SUPT3H: variants seen among roughly 807,000 people sequenced by gnomAD.
SUPT3H encodes transcription initiation protein SPT3 homolog.
SUPT3H carries 44 observed loss-of-function variants against 44.3 expected under a neutral mutation model. The ratio of observed to expected loss-of-function variants is 0.99; its 90% confidence interval spans 0.78 to 1.28. The LOEUF (loss-of-function observed/expected upper bound fraction) is 1.28, where lower values mean the gene tolerates loss of function less well. Among genes scored for constraint, SUPT3H ranks in the 50% most tolerant of loss-of-function variants. The pLI, the probability that SUPT3H is intolerant of heterozygous loss-of-function variation, is 0.00. For missense variants in SUPT3H, 380 were observed against 387.1 expected (o/e 0.98, Z 0.15); for synonymous variants, 124 against 125.6 (o/e 0.99, Z 0.09).
chr6:45,051,043 C>T (rs1372033064), intron 3 of SUPT3H, among the ~76,000 whole-genome samples: 1 of 151,934 alleles, frequency 6.6e-6, no homozygotes, highest in Non-Finnish European at 1.5e-5. Context: ...TGCCGCCATG[C>T]CCAGCTAATT....
At position 44,909,124 on chromosome 6, in the gene SUPT3H, GGT is replaced by G. The variant is rs747035626; in HGVS notation, c.912+23527_912+23528del. 4.3e-3 allele frequency among the ~76,000 whole-genome samples: 501 copies of G among 117,068 alleles called. 2 individuals are homozygous for G. The highest frequency in any genetic ancestry group is 4.4e-3 in the Non-Finnish European group (251 of 56,748). The allele number at this position is 117,068 out of a possible 152,430, so 76.8% of individuals were successfully genotyped here. ...TCTTTCTGCTGCTCTATACCTAAGA[GGT>G]GTGTGTGTGTGTGTGCGTGTGTGTG... On this transcript the variant is annotated intron_variant, in intron 10 of 10. Coordinates refer to ENST00000371459, the MANE Select transcript of SUPT3H (RefSeq NM_003599.4).
At chr6:44,926,424 C>G (rs1769530156) in intron 10 of SUPT3H, among the ~76,000 whole-genome samples, 1 of 152,060 alleles carries the variant, frequency 6.6e-6, no homozygotes, top group South Asian at 2.1e-4. Context: ...ATACCTGCAA[C>G]AAACCTGACA....
At chr6:44,975,122 G>T (rs1338803066) in intron 6 of SUPT3H, among the ~76,000 whole-genome samples, 1 of 152,036 alleles carries the variant, frequency 6.6e-6, no homozygotes. Context: ...AGTGAGCAGA[G>T]ATCGGGCCAC....
chr6:44,838,585 G>A (rs1770360565), intron 10 of SUPT3H, among the ~76,000 whole-genome samples: 1 of 152,236 alleles, frequency 6.6e-6, no homozygotes, highest in African/African-American at 2.4e-5. Context: ...GTTTCCAAAT[G>A]CCAATCTATA....
In SUPT3H at chr6:45,334,889, G is replaced by C. The variant is rs559805895; in HGVS notation, c.101+30312C>G. 6.6e-5 allele frequency among the ~76,000 whole-genome samples: 10 copies of C among 151,238 alleles called. No homozygotes were observed. The South Asian group carries it at 2.1e-3, about 31-fold the overall frequency. On this transcript the variant is annotated intron_variant, in intron 2 of 10. Coordinates refer to ENST00000371459, the MANE Select transcript of SUPT3H (RefSeq NM_003599.4). ...GTAACAGGGATTAGGCATCTACTAG[G>C]AATTTCAAGACTAAAATAATCAATC...
intron 2 of SUPT3H, among the ~76,000 whole-genome samples, chr6:45,237,305 T>C (rs9463079): frequency 0.12 from 18,193 of 152,188 alleles, 1,278 homozygotes; most frequent in African/African-American, 0.19. Flanking sequence ...CAATTTAACA[T>C]AGTTGGAGTT....
intron 2 of SUPT3H, among the ~76,000 whole-genome samples, chr6:45,276,369 C>T (rs1172071000): frequency 6.6e-6 from 1 of 151,994 alleles, no homozygotes; most frequent in Non-Finnish European, 1.5e-5. Flanking sequence ...AAAACTTATA[C>T]AATATAATCA....
intron 9 of SUPT3H, among the ~76,000 whole-genome samples, chr6:44,933,713 A>G (rs1168086240): frequency 6.6e-6 from 1 of 152,228 alleles, no homozygotes; most frequent in Non-Finnish European, 1.5e-5. Flanking sequence ...GTGTGCTCAC[A>G]GCTCACTGAA....
At chr6:45,186,772 G>A (rs553676968) in intron 2 of SUPT3H, among the ~76,000 whole-genome samples, 2 of 152,220 alleles carry the variant, frequency 1.3e-5, no homozygotes, top group South Asian at 4.1e-4. Context: ...TTCCCATGAA[G>A]CAAGTCATAA....
chr6:45,115,372 A>C (rs76388852), intron 2 of SUPT3H, among the ~76,000 whole-genome samples: 2,669 of 152,296 alleles, frequency 0.018, 50 homozygotes, highest in South Asian at 0.085. Context: ...TCAGATTGAC[A>C]GTGTCCAGAA....
intron 10 of SUPT3H, among the ~76,000 whole-genome samples, chr6:44,844,934 C>A (rs1274589493): frequency 6.6e-6 from 1 of 152,106 alleles, no homozygotes; most frequent in East Asian, 1.9e-4. Flanking sequence ...AAACCCCCCC[C>A]ACAATAATGC....
In SUPT3H at chr6:44,937,641, A is replaced by C. The variant is rs139805795; in HGVS notation, c.802-4878T>G. ...GCCATTCTGATTGGTGTAAAATGAT[A>C]TCTCATTGTGGTTTTAATTTGCATT... On this transcript the variant is annotated intron_variant, in intron 9 of 10. Coordinates refer to ENST00000371459, the MANE Select transcript of SUPT3H (RefSeq NM_003599.4). Among the ~76,000 whole-genome samples, 330 of 152,210 alleles carry C rather than the reference A, an allele frequency of 2.2e-3. 1 individual carries two copies. The highest frequency in any genetic ancestry group is 7.6e-3 in the African/African-American group (316 of 41,512).
intron 2 of SUPT3H, among the ~76,000 whole-genome samples, chr6:45,116,262 C>G (rs1160703527): frequency 6.6e-6 from 1 of 152,106 alleles, no homozygotes; most frequent in East Asian, 1.9e-4. Flanking sequence ...TCCTAACCAA[C>G]AGAAAAGCTG....
At chr6:44,889,835 A>G (rs955215225) in intron 10 of SUPT3H, among the ~76,000 whole-genome samples, 3 of 152,050 alleles carry the variant, frequency 2.0e-5, no homozygotes, top group Admixed American at 2.0e-4. Flanking sequence ...AACCTACAAA[A>G]TGGGAGAAAA....
chr6:44,983,211 A>T (rs1779340788), intron 6 of SUPT3H, among the ~76,000 whole-genome samples: 1 of 152,170 alleles, frequency 6.6e-6, no homozygotes, highest in Non-Finnish European at 1.5e-5. Flanking sequence ...TTATTTGTAG[A>T]TCACCATAGC....
At chr6:45,005,361 T>C (rs1782563502) in intron 5 of SUPT3H, among the ~76,000 whole-genome samples, 1 of 152,224 alleles carries the variant, frequency 6.6e-6, no homozygotes, top group Non-Finnish European at 1.5e-5. Flanking sequence ...GGCTCTTTTA[T>C]ATTACCCCTT....
intron 2 of SUPT3H, among the ~76,000 whole-genome samples, chr6:45,181,771 A>G (rs1397285792): frequency 6.6e-6 from 1 of 151,528 alleles, no homozygotes; most frequent in Non-Finnish European, 1.5e-5. Flanking sequence ...ATGCTAGATG[A>G]CGAGTTAGTG....
chr6:44,823,101 CAA>C (rs5875894), downstream of SUPT3H, among the ~76,000 whole-genome samples: 4,384 of 113,120 alleles, frequency 0.039, 87 homozygotes, highest in South Asian at 0.11. Context: ...GACTCCGTTT[CAA>C]AAAAAAAAAA....
chr6:45,170,316 T>C (rs1386047859), intron 2 of SUPT3H, among the ~76,000 whole-genome samples: 2 of 152,206 alleles, frequency 1.3e-5, no homozygotes, highest in East Asian at 1.9e-4. Context: ...ATTAAAAACT[T>C]TGAGCAGTAC....
Sources: gnomAD v4.1 joint callset for allele counts (sites outside exome capture counted in the v4.1 genomes callset) on GRCh38, gnomAD v4.1.1 for gene constraint, MANE v1.5 for transcripts, NCBI Gene and HGNC (gene_info 2026-07-23, HGNC 2026-07-21) for gene names.